Variants in MAVS observed in about 807,000 individuals in gnomAD.
MAVS encodes mitochondrial antiviral-signaling protein.
In MAVS, 20 loss-of-function variants were observed where a neutral mutation model predicts 30.2. The ratio of observed to expected loss-of-function variants is 0.66; its 90% CI spans 0.47 to 0.96. The LOEUF (loss-of-function observed/expected upper bound fraction) is 0.96. MAVS is among the 40% of genes least tolerant of loss of function. The probability of loss-of-function intolerance (pLI) is 0.00; values close to 1 mark genes in which losing one functional copy is unlikely to be tolerated. For synonymous variants in MAVS, 278 were observed against 293.9 expected, an observed-to-expected ratio of 0.95 and a Z score of 0.55; for missense variants, 624 against 701.1, an observed-to-expected ratio of 0.89 and a Z score of 1.24.
chr20:3,866,317 G>C lies in MAVS; in HGVS notation c.*170G>C, dbSNP rs529125937. 73 of 654,574 alleles carry C rather than the reference G, an allele frequency of 1.1e-4. No homozygotes were observed. The South Asian group carries it at 1.5e-3, about 13-fold the overall frequency. 40.5% of individuals were successfully genotyped at this position (654,574 alleles called of 1,614,324 possible). On this transcript the variant is annotated 3_prime_UTR_variant, in exon 7 of 7. Coordinates refer to ENST00000428216, the MANE Select transcript of MAVS (RefSeq NM_020746.5). ...ATGCCTTGGCTGAACCAAGTCCTGA[G>C]AGCAGCATCTCTGTCCCCACGGTGC...
At position 3,857,775 on chromosome 20, in the gene MAVS, C is replaced by A. The variant is rs1043926813; in HGVS notation, c.258C>A (p.Asp86Glu). Residue 86 changes from aspartate (D) to glutamate (E), a missense_variant, in exon 3 of 7, where the codon GAC (aspartate) becomes GAA (glutamate). Coordinates refer to ENST00000428216, the MANE Select transcript of MAVS (RefSeq NM_020746.5). ...LRGCELVDLA[D>E]EVASVYQSYQ... The stretch of plus-strand genomic sequence containing the variant: ...GCTGTGAGCTAGTTGATCTCGCGGA[C>A]GAAGTGGCCTCTGTCTACCAGAGCT... 1 of 1,614,222 alleles carries A rather than the reference C, an allele frequency of 6.2e-7. No individual in the cohort carries two copies. The highest frequency in any genetic ancestry group is 1.3e-5 in the African/African-American group (1 of 75,054).
intron 3 of MAVS, among the ~76,000 whole-genome samples, chr20:3,859,552 C>T (rs1172496944): frequency 6.8e-6 from 1 of 147,362 alleles, no homozygotes; most frequent in Non-Finnish European, 1.5e-5. Context: ...AATACAATGG[C>T]TGTGGTAGGG....
chr20:3,859,701 A>C (rs2089847944), intron 3 of MAVS, among the ~76,000 whole-genome samples: 1 of 151,852 alleles, frequency 6.6e-6, no homozygotes, highest in South Asian at 2.1e-4. Flanking sequence ...GACTGCTGAC[A>C]CGGCGTGGGT....
chr20:3,856,057 ATT>A (rs34856295), intron 2 of MAVS, among the ~76,000 whole-genome samples: 47 of 129,842 alleles, frequency 3.6e-4, no homozygotes, highest in East Asian at 1.5e-3. Context: ...CAGTGGCACG[ATT>A]TTTTTTTTTT....
At position 3,874,444 on chromosome 20, in the gene MAVS, T is replaced by C. The variant is rs1433315430; in HGVS notation, c.*8297T>C. The C allele has an allele frequency of 2.6e-6, 1 of 385,960 alleles. No individual in the cohort carries two copies. The highest frequency in any genetic ancestry group is 2.1e-5 in the African/African-American group (1 of 48,396). The allele number at this position is 385,960 out of a possible 1,614,324, so 23.9% of individuals were successfully genotyped here. A position where few individuals can be genotyped will look rare whatever the true frequency, so the allele number is the denominator to read the frequency against. Reference sequence around the variant, plus strand: ...TCAAAGTTTGCAAAGGAGTCAGCCATGATTGCTTGTATTTGGCAGGGGTCA... The same window carrying C: ...TCAAAGTTTGCAAAGGAGTCAGCCACGATTGCTTGTATTTGGCAGGGGTCA... On this transcript the variant is annotated 3_prime_UTR_variant, in exon 7 of 7. Transcript: ENST00000428216.
At chr20:3,856,314 A>G (rs2089809905) in intron 2 of MAVS, among the ~76,000 whole-genome samples, 1 of 150,332 alleles carries the variant, frequency 6.7e-6, no homozygotes, top group Admixed American at 6.6e-5. Context: ...TCGGCCTCCC[A>G]AAGTGCTGGG....
In MAVS at chr20:3,869,961, A is replaced by G. The variant is rs772407739; in HGVS notation, c.*3814A>G. 2 of 152,370 alleles carry G rather than the reference A, an allele frequency of 1.3e-5. No individual in the cohort carries two copies. Among genetic ancestry groups the G allele is most frequent in the African/African-American group, 2.4e-5 (1 of 41,462 alleles). 9.4% of individuals were successfully genotyped at this position (152,370 alleles called of 1,614,324 possible). On this transcript the variant is annotated 3_prime_UTR_variant, in exon 7 of 7. Transcript: ENST00000428216. Reference sequence around the variant, plus strand: ...AGCCGTGACTTGGCCTACTTTGAACAGCAAACTTGTTGCTGCTGTTGTCAA... The same window carrying G: ...AGCCGTGACTTGGCCTACTTTGAACGGCAAACTTGTTGCTGCTGTTGTCAA...
rs1274800128 is a variant in MAVS, at chr20:3,873,599, G to A, written c.*7452G>A. 1 of 152,136 alleles carries A rather than the reference G, an allele frequency of 6.6e-6. No homozygotes were observed. Among genetic ancestry groups the A allele is most frequent in the Non-Finnish European group, 1.5e-5 (1 of 68,114 alleles). 9.4% of individuals were successfully genotyped at this position (152,136 alleles called of 1,614,324 possible). A position where few individuals can be genotyped will look rare whatever the true frequency, so the allele number is the denominator to read the frequency against. On this transcript the variant is annotated 3_prime_UTR_variant, in exon 7 of 7. Coordinates refer to ENST00000428216, the MANE Select transcript of MAVS (RefSeq NM_020746.5). ...GGTCATGAGGGTGGAGATCATGAAT[G>A]GGGTTAGCACCTTATAAAACAGGCT...
chr20:3,864,581 A>G lies in MAVS; in HGVS notation c.951A>G (p.Ala317=), dbSNP rs149444335. 1,668 of 1,614,034 alleles carry G rather than the reference A, an allele frequency of 1.0e-3. 2 individuals are homozygous for G. Among genetic ancestry groups the G allele is most frequent in the Non-Finnish European group, 1.3e-3 (1,592 of 1,180,034 alleles). The part of the protein sequence containing the change: ...TVALKVPANP[A]SVSTVPSKLP... ...CCCTGAAAGTGCCTGCCAACCCAGCATCTGTCAGCACAGTGCCCTCCAAGT... is the reference window on the plus strand; with the variant it reads ...CCCTGAAAGTGCCTGCCAACCCAGCGTCTGTCAGCACAGTGCCCTCCAAGT... The change falls in exon 6 of 7, where the codon GCA becomes GCG. Residue 317 remains alanine, a synonymous_variant. Coordinates refer to ENST00000428216, the MANE Select transcript of MAVS (RefSeq NM_020746.5).
At position 3,850,534 on chromosome 20, in the gene MAVS, G is replaced by A. The variant is rs368043297; in HGVS notation, c.-68+3631G>A. ...GAACCCAGGAGGCAGAGGTTGCAGT[G>A]AGCCGAGATCGCGCCATTGTACTCC... On this transcript the variant is annotated intron_variant, in intron 1 of 6. Coordinates refer to ENST00000428216, the MANE Select transcript of MAVS (RefSeq NM_020746.5). Among the ~76,000 whole-genome samples, 54 of 147,920 alleles carry A rather than the reference G, an allele frequency of 3.7e-4. No individual in the cohort carries two copies. The East Asian group carries it at 9.7e-3, about 27-fold the overall frequency.
At chr20:3,857,893 C>G (rs1245375700) in intron 3 of MAVS, 84 bp downstream of exon 3, 2 of 1,428,832 alleles carry the variant, frequency 1.4e-6, no homozygotes, top group Admixed American at 3.4e-5. Flanking sequence ...GTACTTCCTG[C>G]CTTTCTCTGT....
chr20:3,869,462 C>CGG lies in MAVS; in HGVS notation c.*3316_*3317insGG, dbSNP rs1019339327. 1.3e-5 allele frequency: 2 copies of CGG among 151,942 alleles called. No individual in the cohort carries two copies. The highest frequency in any genetic ancestry group is 2.9e-5 in the Non-Finnish European group (2 of 68,026). 9.4% of individuals were successfully genotyped at this position (151,942 alleles called of 1,614,324 possible). The stretch of plus-strand genomic sequence containing the variant: ...TGCTGGGATTACAGGCGTGAGCCAC[C>CGG]GCGCCCAGCCAAATTAAATTTTTTA... On this transcript the variant is annotated 3_prime_UTR_variant, in exon 7 of 7. Coordinates refer to ENST00000428216, the MANE Select transcript of MAVS (RefSeq NM_020746.5).
chr20:3,862,479 G>T (rs2146773287), intron 5 of MAVS, 66 bp downstream of exon 5: 1 of 1,487,434 alleles, frequency 6.7e-7, no homozygotes, highest in African/African-American at 1.4e-5. Flanking sequence ...AATTAGAGTT[G>T]CCCCATCTGG....
intron 3 of MAVS, 197 bp downstream of exon 3, chr20:3,858,006 C>G: frequency 1.6e-6 from 1 of 644,652 alleles, no homozygotes. Context: ...CTTAATTTCC[C>G]TGAGCCTCAG....
chr20:3,869,647 C>G lies in MAVS; in HGVS notation c.*3500C>G, dbSNP rs1253432806. 2 of 151,890 alleles carry G rather than the reference C, an allele frequency of 1.3e-5. No individual in the cohort carries two copies. The highest frequency in any genetic ancestry group is 2.9e-5 in the Non-Finnish European group (2 of 68,056). 9.4% of individuals were successfully genotyped at this position (151,890 alleles called of 1,614,324 possible). A position where few individuals can be genotyped will look rare whatever the true frequency, so the allele number is the denominator to read the frequency against. On this transcript the variant is annotated 3_prime_UTR_variant, in exon 7 of 7. Transcript: ENST00000428216. ...TTTGAGACAGTCTTACTCCGTTGCC[C>G]AGGCTGGAGTGTAGTGGCATGATCT...
intron 3 of MAVS, 193 bp downstream of exon 3, chr20:3,858,002 T>G: frequency 9.4e-6 from 6 of 636,682 alleles, no homozygotes; most frequent in East Asian, 2.9e-5. Flanking sequence ...GTCCCTTAAT[T>G]TCCCTGAGCC....
chr20:3,851,678 G>C (rs1035353131), intron 1 of MAVS, among the ~76,000 whole-genome samples: 8 of 151,692 alleles, frequency 5.3e-5, no homozygotes, highest in African/African-American at 1.7e-4. Context: ...TATGTGGGCC[G>C]GGCATGGTGG....
At chr20:3,859,619 G>A (rs962822030) in intron 3 of MAVS, among the ~76,000 whole-genome samples, 1 of 152,060 alleles carries the variant, frequency 6.6e-6, no homozygotes, top group Non-Finnish European at 1.5e-5. Context: ...CAGGGCAGGG[G>A]TCAGTGAGCA....
In MAVS at chr20:3,861,417, C is replaced by T. The variant is rs757029891; in HGVS notation, c.378C>T (p.His126=). 2 of 1,614,136 alleles carry T rather than the reference C, an allele frequency of 1.2e-6. No homozygotes were observed. The highest frequency in any genetic ancestry group is 1.6e-4 in the Middle Eastern group (1 of 6,062). ...RPGPPTPAAA[H]SIPYNSCREK... ...GGCCCCCCACACCTGCTGCGGCCCA[C>T]AGCATCCCCTACAACAGCTGCAGAG... Residue 126 remains histidine, a synonymous_variant, in exon 4 of 7, where the codon CAC becomes CAT. Coordinates refer to ENST00000428216, the MANE Select transcript of MAVS (RefSeq NM_020746.5).
Sources: allele counts gnomAD v4.1 joint callset (sites outside exome capture counted in the v4.1 genomes callset), GRCh38; gene constraint gnomAD v4.1.1; transcripts MANE v1.5; gene names NCBI Gene and HGNC (gene_info 2026-07-23, HGNC 2026-07-21).